Variants in TFAP2B observed in about 807,000 individuals in gnomAD.
The protein encoded by TFAP2B is transcription factor AP-2 beta.
TFAP2B carries 9 observed loss-of-function variants against 44.3 expected under a neutral mutation model. The ratio of observed to expected loss-of-function variants is 0.20; its 90% CI spans 0.12 to 0.35. The LOEUF is 0.35. Ranked by LOEUF, TFAP2B falls within the 10% of genes least tolerant of loss-of-function variation. The pLI, the probability that TFAP2B is intolerant of heterozygous loss-of-function variation, is 1.00. For missense variants in TFAP2B, 509 were observed against 600.0 expected, an observed-to-expected ratio of 0.85 and a Z score of 1.59; for synonymous variants, 270 against 263.8, an observed-to-expected ratio of 1.02 and a Z score of -0.23.
Position 50,844,264 on chromosome 6 carries a change from T to A in TFAP2B, c.*872T>A, listed in dbSNP as rs915583244. The A allele has an allele frequency of 6.7e-6, 1 of 148,678 alleles. No individual in the cohort carries two copies. Among genetic ancestry groups the A allele is most frequent in the Admixed American group, 6.8e-5 (1 of 14,752 alleles). The allele number at this position is 148,678 out of a possible 1,614,324, so 9.2% of individuals were successfully genotyped here. A position where few individuals can be genotyped will look rare whatever the true frequency, so the allele number is the denominator to read the frequency against. On this transcript the variant is annotated 3_prime_UTR_variant, in exon 7 of 7. Transcript: ENST00000393655. ...GAATCTCACATTTATTATATTTGTG[T>A]CATCTACTAATTTTATGAACTATAG...
In TFAP2B at chr6:50,843,528, T is replaced by TAAA; in HGVS notation, c.*144_*146dup. On this transcript the variant is annotated 3_prime_UTR_variant, in exon 7 of 7. Transcript: ENST00000393655. ...TAGAATACACATACAATCAAAATTT[T>TAAA]AAAAAAAAAAGCTAAATAACTTAAA... The TAAA allele has an allele frequency of 1.1e-5, 9 of 800,306 alleles. No homozygotes were observed. The highest frequency in any genetic ancestry group is 5.3e-5 in the African/African-American group (3 of 56,904). The allele number at this position is 800,306 out of a possible 1,614,324, so 49.6% of individuals were successfully genotyped here. A position where few individuals can be genotyped will look rare whatever the true frequency, so the allele number is the denominator to read the frequency against.
In TFAP2B at chr6:50,838,068, CACGTT is replaced by C; in HGVS notation, c.918_922del (p.Leu307HisfsTer13). On this transcript the variant is annotated frameshift_variant, in exon 5 of 7. Coordinates refer to ENST00000393655, the MANE Select transcript of TFAP2B (RefSeq NM_003221.4). LOFTEE classifies it high-confidence loss of function. ...CGGGCAGGCGCAAAGCAGCAAATGTCACGTTACTCACCTCCCTGGTGGAAGGTAAG... is the reference window on the plus strand; with the variant it reads ...CGGGCAGGCGCAAAGCAGCAAATGTCACTCACCTCCCTGGTGGAAGGTAAG... The C allele has an allele frequency of 6.2e-7, 1 of 1,614,114 alleles. No individual in the cohort carries two copies. Among genetic ancestry groups the C allele is most frequent in the Non-Finnish European group, 8.5e-7 (1 of 1,179,968 alleles).
intron 1 of TFAP2B, 116 bp from the exon 2 acceptor site, chr6:50,823,291 C>T: frequency 2.2e-6 from 2 of 929,328 alleles, no homozygotes; most frequent in Non-Finnish European, 3.4e-6. Flanking sequence ...CGGGCTTCTC[C>T]ATTTGTCACT....
chr6:50,836,235 C>T lies in TFAP2B; in HGVS notation c.776C>T (p.Pro259Leu), dbSNP rs947882097. The T allele has an allele frequency of 6.2e-7, 1 of 1,612,724 alleles. No homozygotes were observed. The highest frequency in any genetic ancestry group is 1.3e-5 in the African/African-American group (1 of 74,890). ...TVGEVQRRLS[P>L]PECLNASLLG... ...GGAGAAGTTCAGAGACGGCTGTCGC[C>T]CCCTGAATGCCTCAATGCATCTCTC... The change falls in exon 4 of 7, where the codon CCC (proline) becomes CTC (leucine). Residue 259 changes from proline to leucine, a missense_variant. Physicochemically the swap from Pro to Leu is moderately conservative, Grantham distance 98. Around this residue, in one of 3 missense-constraint regions of TFAP2B, gnomAD observed 45 missense variants for 108.6 expected, o/e 0.41. Transcript: ENST00000393655.
rs747955637 is a variant in TFAP2B at position 50,843,310 on chromosome 6, A to C, written c.1301A>C (p.Asn434Thr). ...ALKGMDKMFL[N>T]NTTTNRHTSG... ...AAAGGCATGGACAAGATGTTCTTGAACAACACCACCACTAACAGGCACACG... is the reference window on the plus strand; with the variant it reads ...AAAGGCATGGACAAGATGTTCTTGACCAACACCACCACTAACAGGCACACG... The change falls in exon 7 of 7, where the codon AAC becomes ACC. Residue 434 changes from asparagine to threonine, a missense_variant. This residue lies in a region of TFAP2B where 168 missense variants were observed against 183.2 expected (regional missense o/e 0.92). Transcript: ENST00000393655. 6 of 1,613,864 alleles carry C rather than the reference A, an allele frequency of 3.7e-6. No individual in the cohort carries two copies. The South Asian group carries it at 6.6e-5, about 18-fold the overall frequency.
chr6:50,841,027 G>A (rs1043432948), intron 6 of TFAP2B, among the ~76,000 whole-genome samples: 2 of 152,200 alleles, frequency 1.3e-5, no homozygotes, highest in South Asian at 4.1e-4. Context: ...TTGTCCCGTT[G>A]ACAGCGTAAT....
At chr6:50,822,976 A>G (rs1471535086) in intron 1 of TFAP2B, among the ~76,000 whole-genome samples, 1 of 152,144 alleles carries the variant, frequency 6.6e-6, no homozygotes, top group Non-Finnish European at 1.5e-5. Flanking sequence ...GTACCTCTGG[A>G]AGAGTTAGAA....
chr6:50,826,151 C>T (rs1378961860), intron 2 of TFAP2B, among the ~76,000 whole-genome samples: 1 of 152,170 alleles, frequency 6.6e-6, no homozygotes, highest in Non-Finnish European at 1.5e-5. Flanking sequence ...CTCCCTACAG[C>T]TATCGAATGG....
chr6:50,837,838 C>G, intron 4 of TFAP2B, 137 bp from the exon 5 acceptor site: 1 of 782,536 alleles, frequency 1.3e-6, no homozygotes, highest in East Asian at 2.5e-5. Context: ...CAGCAAATAA[C>G]CAAAAGGAAG....
At chr6:50,838,132 C>A in intron 5 of TFAP2B, 39 bp downstream of exon 5, 2 of 1,458,118 alleles carry the variant, frequency 1.4e-6, no homozygotes, top group South Asian at 1.1e-5. Context: ...AGTGGCTGAG[C>A]TTAACTGTCG....
chr6:50,821,841 G>A (rs974738872), intron 1 of TFAP2B: 5 of 286,650 alleles, frequency 1.7e-5, no homozygotes, highest in Non-Finnish European at 3.4e-5. Context: ...CGAGCAGTCT[G>A]AGCCCAGCTT....
chr6:50,825,844 G>C (rs1037217302), intron 2 of TFAP2B, among the ~76,000 whole-genome samples: 3 of 152,092 alleles, frequency 2.0e-5, no homozygotes, highest in South Asian at 2.1e-4. Context: ...GGAGGCCCAC[G>C]GGACCTTCTT....
chr6:50,819,926 C>A (rs1252544085), intron 1 of TFAP2B, among the ~76,000 whole-genome samples: 1 of 151,712 alleles, frequency 6.6e-6, no homozygotes, highest in East Asian at 1.9e-4. Flanking sequence ...GGCTGGGGAC[C>A]GGGAAGCCCG....
At chr6:50,824,059 A>T (rs996675333) in intron 2 of TFAP2B, among the ~76,000 whole-genome samples, 194 bp downstream of exon 2, 10 of 152,196 alleles carry the variant, frequency 6.6e-5, no homozygotes, top group African/African-American at 2.4e-4. Context: ...CGATTTCCAG[A>T]GGTCTAATTA....
At chr6:50,836,643 GAACT>G (rs1442967991) in intron 4 of TFAP2B, among the ~76,000 whole-genome samples, 1 of 152,084 alleles carries the variant, frequency 6.6e-6, no homozygotes, top group Non-Finnish European at 1.5e-5. Flanking sequence ...GTACAACGCG[GAACT>G]AACAGCCCCC....
At chr6:50,835,633 G>T (rs1481506553) in intron 3 of TFAP2B, among the ~76,000 whole-genome samples, 1 of 152,196 alleles carries the variant, frequency 6.6e-6, no homozygotes, top group Non-Finnish European at 1.5e-5. Flanking sequence ...TCACCGTCAG[G>T]CTTCAGCACC....
chr6:50,828,874 T>C (rs1321185869), intron 3 of TFAP2B, among the ~76,000 whole-genome samples, 195 bp downstream of exon 3: 1 of 152,178 alleles, frequency 6.6e-6, no homozygotes, highest in East Asian at 1.9e-4. Flanking sequence ...AATGAAAACA[T>C]CAGACACAAA....
At chr6:50,819,440 G>A (rs1024948756) in intron 1 of TFAP2B, among the ~76,000 whole-genome samples, 1 of 151,956 alleles carries the variant, frequency 6.6e-6, no homozygotes, top group Non-Finnish European at 1.5e-5. Context: ...GATAACAAAT[G>A]GTTCCAAGTA....
At chr6:50,820,937 G>A (rs939131278) in intron 1 of TFAP2B, among the ~76,000 whole-genome samples, 1 of 151,504 alleles carries the variant, frequency 6.6e-6, no homozygotes, top group Admixed American at 6.6e-5. Flanking sequence ...AAAGAGGGGA[G>A]GGAGAGAGAG....
Sources: allele counts gnomAD v4.1 joint callset (sites outside exome capture counted in the v4.1 genomes callset), GRCh38; gene constraint gnomAD v4.1.1; regional missense constraint gnomAD v4.1.1; transcripts MANE v1.5; gene names NCBI Gene and HGNC (gene_info 2026-07-23, HGNC 2026-07-21).